Variants in JAK2 observed in about 807,000 individuals in gnomAD.
JAK2 encodes the protein tyrosine-protein kinase JAK2.
In JAK2, 86 loss-of-function variants were observed where a neutral mutation model predicts 139.3. The observed-to-expected ratio is 0.62, with a 90% CI of 0.52 to 0.74. JAK2 has a LOEUF of 0.74. JAK2 is among the 30% of genes least tolerant of loss of function. The probability of loss-of-function intolerance (pLI) is 0.00; values close to 1 mark genes in which losing one functional copy is unlikely to be tolerated. For missense variants in JAK2, 1,421 were observed against 1,360.3 expected, an observed-to-expected ratio of 1.04 and a Z score of -0.70; for synonymous variants, 490 against 437.7, an observed-to-expected ratio of 1.12 and a Z score of -1.49.
At chr9:4,985,004 CG>C (rs1293721093), upstream of JAK2, 1 of 152,302 alleles carries the variant, frequency 6.6e-6, no homozygotes, top group African/African-American at 2.4e-5. Flanking sequence ...GCCGGTCCCG[CG>C]ACCAGCACCG....
At chr9:5,101,550 G>A (rs908310055) in intron 22 of JAK2, among the ~76,000 whole-genome samples, 1 of 152,240 alleles carries the variant, frequency 6.6e-6, no homozygotes, top group African/African-American at 2.4e-5. Context: ...TGGTGTTTGA[G>A]CTCTGACAAT....
intron 2 of JAK2, among the ~76,000 whole-genome samples, chr9:4,993,304 A>G (rs1820370345): frequency 6.6e-6 from 1 of 152,190 alleles, no homozygotes; most frequent in South Asian, 2.1e-4. Flanking sequence ...GGATCTTATA[A>G]TCACACTCTA....
intron 3 of JAK2, among the ~76,000 whole-genome samples, chr9:5,022,463 T>A (rs927790168): frequency 6.6e-6 from 1 of 152,184 alleles, no homozygotes; most frequent in Admixed American, 6.5e-5. Flanking sequence ...TAATTACATA[T>A]AAGGTGGTTA....
intron 2 of JAK2, among the ~76,000 whole-genome samples, chr9:5,019,971 A>C (rs924283735): frequency 6.6e-6 from 1 of 152,140 alleles, no homozygotes; most frequent in African/African-American, 2.4e-5. Context: ...GGTGGCTTAC[A>C]TTAGTAATGG....
intron 13 of JAK2, among the ~76,000 whole-genome samples, 185 bp downstream of exon 13, chr9:5,072,811 A>G (rs1819060072): frequency 6.6e-6 from 1 of 152,196 alleles, no homozygotes; most frequent in East Asian, 1.9e-4. Flanking sequence ...CCGGATTAAA[A>G]AAATTAATTC....
intron 22 of JAK2, chr9:5,099,966 T>G (rs943916962): frequency 6.6e-6 from 1 of 152,210 alleles, no homozygotes; most frequent in Non-Finnish European, 1.5e-5. Context: ...CTATGCCACT[T>G]ATCCCTATAC....
chr9:5,107,386 T>A (rs1822050723), intron 22 of JAK2, among the ~76,000 whole-genome samples: 1 of 152,118 alleles, frequency 6.6e-6, no homozygotes, highest in South Asian at 2.1e-4. Context: ...TTCCATAAAA[T>A]TCTTCCTAGT....
Position 5,090,543 on chromosome 9 carries a change from T to G in JAK2, c.2859T>G (p.Leu953=), listed in dbSNP as rs1820496250. 1 of 1,592,488 alleles carries G rather than the reference T, an allele frequency of 6.3e-7. No homozygotes were observed. The highest frequency in any genetic ancestry group is 8.6e-7 in the Non-Finnish European group (1 of 1,169,334). Residue 953 remains leucine, a synonymous_variant, in exon 21 of 25, where the codon CTT becomes CTG. Transcript: ENST00000381652. ...KHKERIDHIK[L]LQYTSQICKG... The stretch of plus-strand genomic sequence containing the variant: ...AAGAACGGATAGATCACATAAAACT[T>G]CTGCAGTACACATCTCAGATATGCA...
At chr9:4,997,908 T>C (rs1219581916) in intron 2 of JAK2, among the ~76,000 whole-genome samples, 1 of 152,136 alleles carries the variant, frequency 6.6e-6, no homozygotes, top group Non-Finnish European at 1.5e-5. Context: ...TGTTTATCCA[T>C]AGGTGCTTAA....
chr9:5,009,515 T>C (rs2129940429), intron 2 of JAK2, among the ~76,000 whole-genome samples: 1 of 152,266 alleles, frequency 6.6e-6, no homozygotes, highest in Middle Eastern at 3.4e-3. Context: ...GTTTTCAAAA[T>C]ATTCTTAAAT....
At chr9:5,121,054 G>A (rs953510645) in intron 22 of JAK2, among the ~76,000 whole-genome samples, 1 of 152,078 alleles carries the variant, frequency 6.6e-6, no homozygotes, top group Non-Finnish European at 1.5e-5. Flanking sequence ...AACCAAGAGA[G>A]GAATAAATCT....
chr9:5,024,200 GAGCCGAGATTGCGCCACTGCACTCC>G (rs1466284002), intron 3 of JAK2, among the ~76,000 whole-genome samples: 1 of 152,152 alleles, frequency 6.6e-6, no homozygotes, highest in African/African-American at 2.4e-5. Flanking sequence ...AGCTTGCAGT[GAGCCGAGATTGCGCCACTGCACTCC>G]AGCCTGGGCG....
intron 2 of JAK2, among the ~76,000 whole-genome samples, chr9:5,002,179 T>G (rs1036462701): frequency 6.6e-6 from 1 of 151,808 alleles, no homozygotes; most frequent in African/African-American, 2.4e-5. Flanking sequence ...TTAATTTTTG[T>G]TCTTTATTCT....
At chr9:5,050,389 GC>G (rs1817329904) in intron 5 of JAK2, among the ~76,000 whole-genome samples, 1 of 152,062 alleles carries the variant, frequency 6.6e-6, no homozygotes, top group African/African-American at 2.4e-5. Context: ...TCCTACCTCA[GC>G]CCCCCAAGTA....
At chr9:4,988,112 T>A (rs773513937) in intron 2 of JAK2, among the ~76,000 whole-genome samples, 1 of 152,240 alleles carries the variant, frequency 6.6e-6, no homozygotes, top group Non-Finnish European at 1.5e-5. Flanking sequence ...TGTGGTTAAC[T>A]GTGCTAAGAC....
At chr9:5,061,657 C>G (rs1465899888) in intron 8 of JAK2, among the ~76,000 whole-genome samples, 1 of 152,196 alleles carries the variant, frequency 6.6e-6, no homozygotes, top group African/African-American at 2.4e-5. Context: ...AGAACTTTCT[C>G]TGTATCATCA....
intron 23 of JAK2, among the ~76,000 whole-genome samples, chr9:5,124,660 T>C (rs1040173426): frequency 6.6e-6 from 1 of 151,722 alleles, no homozygotes; most frequent in Non-Finnish European, 1.5e-5. Context: ...TCAAATTATA[T>C]TATAAGGCTA....
chr9:5,037,571 G>C (rs200177094), intron 4 of JAK2, among the ~76,000 whole-genome samples: 2 of 152,132 alleles, frequency 1.3e-5, no homozygotes, highest in Non-Finnish European at 2.9e-5. Flanking sequence ...CATGGATGAA[G>C]CTGGAAACCA....
chr9:5,010,938 C>G (rs1280459712), intron 2 of JAK2, among the ~76,000 whole-genome samples: 1 of 152,176 alleles, frequency 6.6e-6, no homozygotes, highest in South Asian at 2.1e-4. Context: ...AGCTTTCCCC[C>G]TCTCCCTACC....
Sources: allele counts gnomAD v4.1 joint callset (sites outside exome capture counted in the v4.1 genomes callset), GRCh38; gene constraint gnomAD v4.1.1; transcripts MANE v1.5; gene names NCBI Gene and HGNC (gene_info 2026-07-23, HGNC 2026-07-21).